Variants in NHSL1 observed in about 807,000 individuals in gnomAD.
NHSL1 encodes NHS-like protein 1.
NHSL1 carries 48 observed loss-of-function variants against 95.0 expected under a neutral mutation model. That is an observed-to-expected ratio of 0.51 (90% CI 0.40 to 0.64). The LOEUF is 0.64. Among genes scored for constraint, NHSL1 ranks in the 30% least tolerant of loss-of-function variants. The probability of loss-of-function intolerance (pLI) is 0.00; values close to 1 mark genes in which losing one functional copy is unlikely to be tolerated. For missense variants in NHSL1, 1,971 were observed against 2,077.7 expected (o/e 0.95, Z 1.00); for synonymous variants, 783 against 833.9 (o/e 0.94, Z 1.05).
intron 1 of NHSL1, among the ~76,000 whole-genome samples, chr6:138,511,399 A>AGAGT (rs1362073147): frequency 2.8e-5 from 4 of 145,288 alleles, no homozygotes; most frequent in East Asian, 2.3e-4. Context: ...AGAGAGAGAG[A>AGAGT]GTGTGTGTGT....
intron 1 of NHSL1, among the ~76,000 whole-genome samples, chr6:138,623,200 A>C (rs1361809095): frequency 2.0e-5 from 3 of 152,214 alleles, no homozygotes; most frequent in Non-Finnish European, 2.9e-5. Context: ...ATGCCCTTAC[A>C]GTCATTCAGA....
chr6:138,449,196 TA>T (rs1278781850), intron 3 of NHSL1, among the ~76,000 whole-genome samples: 1 of 152,222 alleles, frequency 6.6e-6, no homozygotes, highest in Non-Finnish European at 1.5e-5. Context: ...AGGCAAGAGC[TA>T]ATGAAAATAG....
chr6:138,504,338 A>C (rs757571819), upstream of NHSL1, among the ~76,000 whole-genome samples: 5 of 152,184 alleles, frequency 3.3e-5, no homozygotes, highest in Admixed American at 6.6e-5. Context: ...TGACCTTTGG[A>C]AGTTCACAGT....
At chr6:138,519,415 A>AT (rs1441422628) in intron 1 of NHSL1, among the ~76,000 whole-genome samples, 1 of 152,242 alleles carries the variant, frequency 6.6e-6, no homozygotes, top group Non-Finnish European at 1.5e-5. Flanking sequence ...ACACCCAAAT[A>AT]TTGTAATAAA....
chr6:138,621,176 T>C (rs983536447), intron 1 of NHSL1, among the ~76,000 whole-genome samples: 18 of 152,162 alleles, frequency 1.2e-4, no homozygotes, highest in Non-Finnish European at 5.9e-5. Context: ...AATAAAGAGA[T>C]TGCTGAAAAG....
chr6:138,664,413 T>A (rs1001604145), intron 1 of NHSL1, among the ~76,000 whole-genome samples: 4 of 152,062 alleles, frequency 2.6e-5, no homozygotes, highest in African/African-American at 9.7e-5. Context: ...AAAACACATA[T>A]GCCAAGAATT....
rs140837460 is a variant in NHSL1, at chr6:138,462,759, T to C, written c.339+10547A>G. Among the ~76,000 whole-genome samples, 488 of 152,348 alleles carry C rather than the reference T, an allele frequency of 3.2e-3. 1 individual carries two copies. Among genetic ancestry groups the C allele is most frequent in the African/African-American group, 0.01 (428 of 41,584 alleles). ...TGAAATATACCTTGGCGTTCTTCTC[T>C]AGCCTCATTTAACTAACCAATCAGG... On this transcript the variant is annotated intron_variant, in intron 3 of 7. Transcript: ENST00000343505.
chr6:138,424,274 G>A lies in NHSL1; in HGVS notation c.4628C>T (p.Ala1543Val), dbSNP rs1359324414. The A allele has an allele frequency of 2.0e-6, 3 of 1,499,170 alleles. No homozygotes were observed. Among genetic ancestry groups the A allele is most frequent in the Non-Finnish European group, 1.8e-6 (2 of 1,121,892 alleles). The allele number at this position is 1,499,170 out of a possible 1,614,324, so 92.9% of individuals were successfully genotyped here. ...GGAACATCCCTCCGCAGCGCCCAGA[G>A]CCCCGCGGGCTATGCTGTCCACAGG... ...VEPVDSIARG[A>V]LGAAEGCSLD... is the part of the protein sequence containing the mutation. The change falls in exon 8 of 8, where the codon GCT becomes GTT. Residue 1543 changes from alanine to valine, a missense_variant. By Grantham distance (64) the Ala-to-Val change is moderately conservative. This residue lies in a region of NHSL1 where 223 missense variants were observed against 217.0 expected (regional missense o/e 1.03). Transcript: ENST00000343505. This position sits in a 1 kb window ranked among gnomAD's most constrained non-coding sequence, Gnocchi z 5.9.
intron 2 of NHSL1, among the ~76,000 whole-genome samples, chr6:138,493,231 T>C (rs1235001868): frequency 6.6e-6 from 1 of 152,252 alleles, no homozygotes; most frequent in Non-Finnish European, 1.5e-5. Context: ...ATCCAGACTT[T>C]AAAGGTTGCA....
intron 1 of NHSL1, among the ~76,000 whole-genome samples, chr6:138,563,899 A>G (rs1333270260): frequency 6.6e-6 from 1 of 152,176 alleles, no homozygotes; most frequent in Non-Finnish European, 1.5e-5. Flanking sequence ...GATCAGACCA[A>G]TTGGTGGGGA....
intron 1 of NHSL1, among the ~76,000 whole-genome samples, chr6:138,646,063 T>A (rs1785016931): frequency 6.6e-6 from 1 of 152,166 alleles, no homozygotes; most frequent in Non-Finnish European, 1.5e-5. Context: ...TTAGTACAAG[T>A]TCTCAAGAAC....
At chr6:138,488,015 C>T (rs1346345635) in intron 2 of NHSL1, among the ~76,000 whole-genome samples, 3 of 152,152 alleles carry the variant, frequency 2.0e-5, no homozygotes, top group African/African-American at 7.2e-5. Context: ...TGGTGGCTCA[C>T]GTCTATAATC....
intron 1 of NHSL1, among the ~76,000 whole-genome samples, chr6:138,544,840 G>GA (rs2128327038): frequency 6.6e-6 from 1 of 152,068 alleles, no homozygotes; most frequent in South Asian, 2.1e-4. Context: ...AGAGTTGACG[G>GA]AAAAAATAAA....
At chr6:138,580,696 T>C (rs1048454777) in intron 1 of NHSL1, among the ~76,000 whole-genome samples, 8 of 152,208 alleles carry the variant, frequency 5.3e-5, no homozygotes, top group Admixed American at 1.3e-4. Context: ...ACACAATCGT[T>C]TGGCAAACAC....
At chr6:138,677,630 AGTGTTGGCAGCTCC>A (rs1380544559) in intron 1 of NHSL1, among the ~76,000 whole-genome samples, 6 of 152,172 alleles carry the variant, frequency 3.9e-5, no homozygotes, top group African/African-American at 1.4e-4. Flanking sequence ...CTGGAAATTT[AGTGTTGGCAGCTCC>A]AATCACTGCC....
chr6:138,688,613 A>G (rs1408656198), intron 1 of NHSL1, among the ~76,000 whole-genome samples: 1 of 152,184 alleles, frequency 6.6e-6, no homozygotes. Flanking sequence ...ACTGCACTCC[A>G]TCCTGGGCGA....
intron 1 of NHSL1, among the ~76,000 whole-genome samples, chr6:138,518,078 C>T (rs1056022226): frequency 7.2e-5 from 11 of 152,288 alleles, no homozygotes; most frequent in Admixed American, 6.5e-4. Flanking sequence ...GAAACTGCTG[C>T]AAGATTTCTG....
At chr6:138,514,351 C>T (rs780275854) in intron 1 of NHSL1, among the ~76,000 whole-genome samples, 1 of 150,284 alleles carries the variant, frequency 6.7e-6, no homozygotes, top group Non-Finnish European at 1.5e-5. Context: ...ACAAAACAAA[C>T]TTTATTCTTA....
chr6:138,569,608 C>T (rs1051824771), intron 1 of NHSL1, among the ~76,000 whole-genome samples: 1 of 152,160 alleles, frequency 6.6e-6, no homozygotes, highest in African/African-American at 2.4e-5. Flanking sequence ...TTCATTTCTG[C>T]ATATTTTTTC....
Sources: allele counts gnomAD v4.1 joint callset (sites outside exome capture counted in the v4.1 genomes callset), GRCh38; gene constraint gnomAD v4.1.1; regional missense constraint gnomAD v4.1.1; non-coding constraint Gnocchi (gnomAD v3.1); transcripts MANE v1.5; gene names NCBI Gene and HGNC (gene_info 2026-07-23, HGNC 2026-07-21).